FHAD1: variants seen among roughly 807,000 people sequenced by gnomAD.
FHAD1 encodes the protein forkhead-associated domain-containing protein 1.
In FHAD1, 146 loss-of-function variants were observed where a neutral mutation model predicts 191.3. That is an observed-to-expected ratio of 0.76 (90% CI 0.67 to 0.88). The LOEUF (loss-of-function observed/expected upper bound fraction) is 0.88. Among genes scored for constraint, FHAD1 ranks in the 40% least tolerant of loss-of-function variants. The probability of loss-of-function intolerance (pLI) is 0.00; values close to 1 mark genes in which losing one functional copy is unlikely to be tolerated. For synonymous variants in FHAD1, 616 were observed against 672.3 expected, an observed-to-expected ratio of 0.92 and a Z score of 1.29; for missense variants, 1,635 against 1,785.8, an observed-to-expected ratio of 0.92 and a Z score of 1.52.
chr1:15,346,479 C>G (rs114859730), intron 18 of FHAD1, among the ~76,000 whole-genome samples: 2 of 152,158 alleles, frequency 1.3e-5, no homozygotes, highest in African/African-American at 2.4e-5. Context: ...GGTATCTGTC[C>G]GGGCTTCATA....
At chr1:15,388,934 A>C (rs1443126175) in intron 32 of FHAD1, among the ~76,000 whole-genome samples, 1 of 152,186 alleles carries the variant, frequency 6.6e-6, no homozygotes, top group African/African-American at 2.4e-5. Flanking sequence ...ATCCCACTGA[A>C]TCCAGTAAAG....
chr1:15,345,863 C>T (rs961735995), intron 18 of FHAD1, among the ~76,000 whole-genome samples: 2 of 152,246 alleles, frequency 1.3e-5, no homozygotes, highest in African/African-American at 2.4e-5. Flanking sequence ...CTCAGGGCTG[C>T]GTGGACCCTC....
In FHAD1 at chr1:15,289,402, T is replaced by C; in HGVS notation, c.304T>C (p.Ser102Pro). 1 of 1,551,478 alleles carries C rather than the reference T, an allele frequency of 6.4e-7. No homozygotes were observed. Reference protein sequence around the residue: ...ELVIENPPPVSFPWMRGPAPW... With the variant: ...ELVIENPPPVPFPWMRGPAPW... Reference sequence around the variant, plus strand: ...TGACCCTTGTCTGCCCCTGCAGGTCTCTTTCCCATGGATGAGGGGCCCAGC... The same window carrying C: ...TGACCCTTGTCTGCCCCTGCAGGTCCCTTTCCCATGGATGAGGGGCCCAGC... Residue 102 changes from serine to proline, a missense_variant, in exon 4 of 34, where the codon TCT becomes CCT. Coordinates refer to ENST00000688493, the MANE Select transcript of FHAD1 (RefSeq NM_001391957.1). The surrounding 1 kb of genome is among the most constrained non-coding windows in gnomAD (Gnocchi z 4.2).
intron 7 of FHAD1, among the ~76,000 whole-genome samples, chr1:15,310,313 C>G (rs1671868273): frequency 6.6e-6 from 1 of 152,198 alleles, no homozygotes; most frequent in African/African-American, 2.4e-5. Context: ...TCTGCAGTCC[C>G]CCTCCCCACT....
chr1:15,371,714 C>G lies in FHAD1; in HGVS notation c.3447+2212C>G, dbSNP rs376071176. ...GTTTACTGCCGGGGCAAACACGCAT[C>G]CTCAAGAGGTGACCAAGGCCAGTGT... On this transcript the variant is annotated intron_variant, in intron 26 of 33. Coordinates refer to ENST00000688493, the MANE Select transcript of FHAD1 (RefSeq NM_001391957.1). Among the ~76,000 whole-genome samples the G allele has an allele frequency of 9.2e-5, 14 of 152,340 alleles. No individual in the cohort carries two copies. In the South Asian group the frequency reaches 2.1e-3, roughly 23 times the overall value.
chr1:15,249,866 T>C (rs1646560156), intron 1 of FHAD1, among the ~76,000 whole-genome samples: 1 of 152,104 alleles, frequency 6.6e-6, no homozygotes, highest in African/African-American at 2.4e-5. Context: ...GAGGATTATG[T>C]AGTGGTGACA....
chr1:15,251,691 C>G, intron 1 of FHAD1, 80 bp from the exon 2 acceptor site: 1 of 1,100,014 alleles, frequency 9.1e-7, no homozygotes, highest in Non-Finnish European at 1.3e-6. Context: ...GTGGTTATTT[C>G]ATTCATTTTA....
At chr1:15,269,635 G>A (rs775323756) in intron 2 of FHAD1, among the ~76,000 whole-genome samples, 2 of 152,204 alleles carry the variant, frequency 1.3e-5, no homozygotes, top group Non-Finnish European at 2.9e-5. Flanking sequence ...GCACCTTGTT[G>A]TTGTTGGGTT....
chr1:15,319,615 T>C (rs968481064), intron 10 of FHAD1, among the ~76,000 whole-genome samples: 2 of 151,986 alleles, frequency 1.3e-5, no homozygotes, highest in Admixed American at 6.6e-5. Context: ...AATAATCACT[T>C]AAAAAAATCA....
At chr1:15,264,300 T>G (rs1192988645) in intron 2 of FHAD1, among the ~76,000 whole-genome samples, 1 of 152,204 alleles carries the variant, frequency 6.6e-6, no homozygotes, top group East Asian at 1.9e-4. Context: ...TGTATCTTCT[T>G]TAATTTCTTT....
At chr1:15,247,708 A>G (rs1406316427) in intron 1 of FHAD1, among the ~76,000 whole-genome samples, 1 of 151,986 alleles carries the variant, frequency 6.6e-6, no homozygotes, top group Non-Finnish European at 1.5e-5. Flanking sequence ...CTGACTTACG[A>G]ACGACACCCA....
intron 24 of FHAD1, among the ~76,000 whole-genome samples, chr1:15,367,231 T>C (rs532214489): frequency 6.6e-6 from 1 of 152,194 alleles, no homozygotes; most frequent in South Asian, 2.1e-4. Flanking sequence ...GTAGCTACCT[T>C]ACACCTGTAG....
intron 5 of FHAD1, among the ~76,000 whole-genome samples, chr1:15,298,154 TAAAGA>T (rs988565647): frequency 3.9e-5 from 6 of 152,122 alleles, no homozygotes; most frequent in Admixed American, 3.9e-4. Context: ...AACGAGTGGA[TAAAGA>T]AACTGTGGTA....
chr1:15,340,475 T>A (rs1390087015), intron 15 of FHAD1, among the ~76,000 whole-genome samples: 1 of 152,076 alleles, frequency 6.6e-6, no homozygotes, highest in African/African-American at 2.4e-5. Flanking sequence ...GTGTCTCTCA[T>A]CCCCCAGCAA....
chr1:15,393,407 T>C (rs1010128435), intron 33 of FHAD1, among the ~76,000 whole-genome samples: 1 of 141,328 alleles, frequency 7.1e-6, no homozygotes, highest in African/African-American at 3.0e-5. Flanking sequence ...CATATCTACA[T>C]AGATGTGGAC....
Position 15,380,687 on chromosome 1 carries a change from C to T in FHAD1, c.3706-14C>T. On this transcript the variant is annotated splice_polypyrimidine_tract_variant and intron_variant, in intron 28 of 33. Coordinates refer to ENST00000688493, the MANE Select transcript of FHAD1 (RefSeq NM_001391957.1). ...GAATGTCAAGAGAGGCCTTTCATTT[C>T]TTTCTGATTTCAGCCTCAGAATGGC... 6.5e-7 allele frequency: 1 copy of T among 1,549,320 alleles called. No individual in the cohort carries two copies. The highest frequency in any genetic ancestry group is 8.7e-7 in the Non-Finnish European group (1 of 1,144,914).
At chr1:15,242,644 C>T (rs1645521035), upstream of FHAD1, among the ~76,000 whole-genome samples, 1 of 152,080 alleles carries the variant, frequency 6.6e-6, no homozygotes, top group African/African-American at 2.4e-5. Context: ...CTCTTATATC[C>T]ATATCCACAT....
At chr1:15,242,443 T>C (rs367558726), upstream of FHAD1, among the ~76,000 whole-genome samples, 30 of 152,292 alleles carry the variant, frequency 2.0e-4, no homozygotes, top group East Asian at 4.4e-3. Flanking sequence ...TTGTTAGCTT[T>C]AATAAATATG....
chr1:15,367,560 C>T lies in FHAD1; in HGVS notation c.3252C>T (p.Ala1084=). 4 of 1,550,076 alleles carry T rather than the reference C, an allele frequency of 2.6e-6. No individual in the cohort carries two copies. Among genetic ancestry groups the T allele is most frequent in the Non-Finnish European group, 3.5e-6 (4 of 1,146,662 alleles). The change falls in exon 25 of 34, where the codon GCC becomes GCT. Residue 1084 remains alanine, a synonymous_variant. Transcript: ENST00000688493. The part of the protein sequence containing the change: ...KELSVLKEKM[A]QMSSLVEKKD... ...TGAGTGTGCTCAAGGAGAAGATGGC[C>T]CAGATGAGCAGCCTGGTAGAAAAGA...
Sources: gnomAD v4.1 joint callset for allele counts (sites outside exome capture counted in the v4.1 genomes callset) on GRCh38, gnomAD v4.1.1 for gene constraint, Gnocchi (gnomAD v3.1) non-coding constraint, MANE v1.5 for transcripts, NCBI Gene and HGNC (gene_info 2026-07-23, HGNC 2026-07-21) for gene names.